Variants in SLC2A1 observed in about 807,000 individuals in gnomAD.
SLC2A1 encodes solute carrier family 2 member 1, also known as solute carrier family 2, facilitated glucose transporter member 1.
Under a neutral mutation model 46.6 loss-of-function variants are expected in SLC2A1, and 4 were observed. That is an observed-to-expected ratio of 0.09 (90% CI 0.04 to 0.20). The LOEUF (loss-of-function observed/expected upper bound fraction) is 0.20, where lower values mean the gene tolerates loss of function less well. SLC2A1 is among the 10% of genes least tolerant of loss of function. SLC2A1 has a pLI of 1.00. For missense variants in SLC2A1, 352 were observed against 667.0 expected (o/e 0.53, Z 5.20); for synonymous variants, 253 against 270.0 (o/e 0.94, Z 0.62).
At chr1:42,951,734 C>G (rs1232040390) in intron 1 of SLC2A1, 1 of 395,306 alleles carries the variant, frequency 2.5e-6, no homozygotes, top group Non-Finnish European at 4.4e-6. Context: ...GCTTGGATGC[C>G]AGGACCTGGT....
At chr1:42,950,608 C>T (rs1643710577) in intron 1 of SLC2A1, among the ~76,000 whole-genome samples, 3 of 152,174 alleles carry the variant, frequency 2.0e-5, no homozygotes, top group Admixed American at 2.0e-4. Flanking sequence ...AGATTGGGCA[C>T]ATGCAAAGTT....
At chr1:42,940,797 C>T (rs777237712) in intron 2 of SLC2A1, among the ~76,000 whole-genome samples, 6 of 152,052 alleles carry the variant, frequency 3.9e-5, no homozygotes, top group Non-Finnish European at 8.8e-5. Flanking sequence ...GATCTTTCTC[C>T]ACTGTGTGGA....
chr1:42,949,200 A>T (rs2124468110), intron 1 of SLC2A1, among the ~76,000 whole-genome samples: 1 of 152,304 alleles, frequency 6.6e-6, no homozygotes, highest in African/African-American at 2.4e-5. Context: ...GTGAGCAGAT[A>T]TTGCACGACT....
chr1:42,927,874 A>G lies in SLC2A1; in HGVS notation c.1075-66T>C. 7.9e-7 allele frequency: 1 copy of G among 1,263,476 alleles called. No individual in the cohort carries two copies. The highest frequency in any genetic ancestry group is 2.0e-4 in the Middle Eastern group (1 of 5,124). The allele number at this position is 1,263,476 out of a possible 1,614,324, so 78.3% of individuals were successfully genotyped here. On this transcript the variant is annotated intron_variant, in intron 8 of 9. Coordinates refer to ENST00000426263, the MANE Select transcript of SLC2A1 (RefSeq NM_006516.4). The surrounding 1 kb of genome is among the most constrained non-coding windows in gnomAD (Gnocchi z 5.3). Reference sequence around the variant, plus strand: ...TGTGATGGATCCTCAGGGGAAACAGAAGCTACAGAGGCCAGAGCAGAGCTA... The same window carrying G: ...TGTGATGGATCCTCAGGGGAAACAGGAGCTACAGAGGCCAGAGCAGAGCTA...
At chr1:42,948,210 C>T (rs1389506153) in intron 1 of SLC2A1, among the ~76,000 whole-genome samples, 1 of 152,198 alleles carries the variant, frequency 6.6e-6, no homozygotes, top group Admixed American at 6.5e-5. Flanking sequence ...CAGGACCTCT[C>T]CCCCAACGCT....
In SLC2A1 at chr1:42,927,200, G is replaced by C. The variant is rs1303723497; in HGVS notation, c.1320C>G (p.Leu440=). The C allele has an allele frequency of 6.2e-7, 1 of 1,614,018 alleles. No homozygotes were observed. Among genetic ancestry groups the C allele is most frequent in the African/African-American group, 1.3e-5 (1 of 74,920 alleles). Residue 440 remains leucine (L), a synonymous_variant, in exon 10 of 10, where the codon CTC becomes CTG. Transcript: ENST00000426263. This position sits in a 1 kb window ranked among gnomAD's most constrained non-coding sequence, Gnocchi z 5.3. ...GPYVFIIFTV[L]LVLFFIFTYF... The stretch of plus-strand genomic sequence containing the variant: ...AGGTGAAGATGAAGAACAGAACCAG[G>C]AGCACAGTGAAGATGATGAAGACGT...
At chr1:42,947,842 C>A (rs779398524) in intron 1 of SLC2A1, among the ~76,000 whole-genome samples, 11 of 152,188 alleles carry the variant, frequency 7.2e-5, no homozygotes, top group Non-Finnish European at 1.3e-4. Context: ...GCAAAGCTGG[C>A]TCTGTGAGTA....
chr1:42,927,875 A>G lies in SLC2A1; in HGVS notation c.1075-67T>C. The G allele has an allele frequency of 8.1e-7, 1 of 1,239,390 alleles. No homozygotes were observed. 76.8% of individuals were successfully genotyped at this position (1,239,390 alleles called of 1,614,324 possible). On this transcript the variant is annotated intron_variant, in intron 8 of 9. Coordinates refer to ENST00000426263, the MANE Select transcript of SLC2A1 (RefSeq NM_006516.4). This position sits in a 1 kb window ranked among gnomAD's most constrained non-coding sequence, Gnocchi z 5.3. ...GTGATGGATCCTCAGGGGAAACAGA[A>G]GCTACAGAGGCCAGAGCAGAGCTAT...
Position 42,931,169 on chromosome 1 carries a change from C to T in SLC2A1, c.152G>A (p.Arg51His), listed in dbSNP as rs201815571. ...GGTGGGCAGGATGCTCTCCCCATAG[C>T]GGTGGACCCATGTCTGGTTGTAGAA... ...EEFYNQTWVH[R>H]YGESILPTTL... Residue 51 changes from arginine to histidine, a missense_variant, in exon 3 of 10, where the codon CGC becomes CAC. This residue lies in a region of SLC2A1 where 97 missense variants were observed against 175.6 expected (regional missense o/e 0.55). Coordinates refer to ENST00000426263, the MANE Select transcript of SLC2A1 (RefSeq NM_006516.4). 2.7e-5 allele frequency: 44 copies of T among 1,614,010 alleles called. No homozygotes were observed. Among genetic ancestry groups the T allele is most frequent in the Non-Finnish European group, 3.6e-5 (43 of 1,179,996 alleles).
Position 42,929,468 on chromosome 1 carries a change from G to A in SLC2A1, c.867+125C>T. ...TGCACTGCAGTGACCTTACGGGCTT[G>A]GGGTCTAAAGGGAAACTTCTTCGGC... On this transcript the variant is annotated intron_variant, in intron 6 of 9. Transcript: ENST00000426263. This position sits in a 1 kb window ranked among gnomAD's most constrained non-coding sequence, Gnocchi z 6.0. 2 of 1,132,376 alleles carry A rather than the reference G, an allele frequency of 1.8e-6. No individual in the cohort carries two copies. The highest frequency in any genetic ancestry group is 1.3e-5 in the South Asian group (1 of 77,734). The allele number at this position is 1,132,376 out of a possible 1,614,324, so 70.1% of individuals were successfully genotyped here. A position where few individuals can be genotyped will look rare whatever the true frequency, so the allele number is the denominator to read the frequency against.
At chr1:42,942,186 C>T (rs1325747891) in intron 2 of SLC2A1, among the ~76,000 whole-genome samples, 4 of 152,218 alleles carry the variant, frequency 2.6e-5, no homozygotes, top group African/African-American at 9.6e-5. Flanking sequence ...ACGGGCAAGG[C>T]AGCTGGTTAG....
At chr1:42,949,675 G>A (rs710220) in intron 1 of SLC2A1, among the ~76,000 whole-genome samples, 2 of 151,980 alleles carry the variant, frequency 1.3e-5, no homozygotes, top group Non-Finnish European at 2.9e-5. Flanking sequence ...GGTGCATTTA[G>A]CAGCAGCAGC....
Position 42,929,142 on chromosome 1 carries a change from C to T in SLC2A1, c.972+68G>A, listed in dbSNP as rs1269680088. On this transcript the variant is annotated intron_variant, in intron 7 of 9. Coordinates refer to ENST00000426263, the MANE Select transcript of SLC2A1 (RefSeq NM_006516.4). The surrounding 1 kb of genome is among the most constrained non-coding windows in gnomAD (Gnocchi z 6.0). ...AGAAAGTCACAGGGCACTGCAAAGA[C>T]CAGTGGGGAAGATGGCACTGCCTCC... is the stretch of plus-strand genomic sequence containing the variant. The T allele has an allele frequency of 6.4e-7, 1 of 1,555,370 alleles. No homozygotes were observed. Among genetic ancestry groups the T allele is most frequent in the African/African-American group, 1.4e-5 (1 of 73,498 alleles).
chr1:42,948,765 C>T (rs544825252), intron 1 of SLC2A1, among the ~76,000 whole-genome samples: 13 of 152,120 alleles, frequency 8.5e-5, no homozygotes, highest in African/African-American at 2.7e-4. Flanking sequence ...CCTGTCTCTA[C>T]TAAAAATAGA....
intron 1 of SLC2A1, among the ~76,000 whole-genome samples, chr1:42,945,096 C>T (rs992358158): frequency 6.6e-6 from 1 of 152,192 alleles, no homozygotes; most frequent in South Asian, 2.1e-4. Flanking sequence ...ACCAGGAGGG[C>T]TCACTAAACA....
At chr1:42,945,855 C>CTTTGGCACTTT (rs1643650439) in intron 1 of SLC2A1, among the ~76,000 whole-genome samples, 1 of 152,118 alleles carries the variant, frequency 6.6e-6, no homozygotes, top group Admixed American at 6.5e-5. Flanking sequence ...ATTTTATAGC[C>CTTTGGCACTTT]TTTGGCACTT....
intron 2 of SLC2A1, among the ~76,000 whole-genome samples, chr1:42,942,457 G>C (rs1643607274): frequency 1.3e-5 from 2 of 151,354 alleles, no homozygotes; most frequent in Admixed American, 1.3e-4. Context: ...AGTAGGCTGG[G>C]CTGGAGGAGA....
intron 1 of SLC2A1, among the ~76,000 whole-genome samples, chr1:42,946,492 G>T (rs1643657089): frequency 6.6e-6 from 1 of 152,202 alleles, no homozygotes; most frequent in African/African-American, 2.4e-5. Flanking sequence ...TCAACAGGGG[G>T]CTGGTATGAG....
Position 42,927,030 on chromosome 1 carries a change from T to C in SLC2A1, c.*11A>G, listed in dbSNP as rs377124350. The C allele has an allele frequency of 6.2e-6, 10 of 1,612,858 alleles. No individual in the cohort carries two copies. The highest frequency in any genetic ancestry group is 1.7e-5 in the Admixed American group (1 of 60,000). On this transcript the variant is annotated 3_prime_UTR_variant, in exon 10 of 10. Coordinates refer to ENST00000426263, the MANE Select transcript of SLC2A1 (RefSeq NM_006516.4). The surrounding 1 kb of genome is among the most constrained non-coding windows in gnomAD (Gnocchi z 5.3). Reference sequence around the variant, plus strand: ...TGCTGGGAGCAGGCCGGGCTGGTGATCTGGGGCGACTCACACTTGGGAATC... The same window carrying C: ...TGCTGGGAGCAGGCCGGGCTGGTGACCTGGGGCGACTCACACTTGGGAATC...
Sources: allele counts gnomAD v4.1 joint callset (sites outside exome capture counted in the v4.1 genomes callset), GRCh38; gene constraint gnomAD v4.1.1; regional missense constraint gnomAD v4.1.1; non-coding constraint Gnocchi (gnomAD v3.1); transcripts MANE v1.5; gene names NCBI Gene and HGNC (gene_info 2026-07-23, HGNC 2026-07-21).